CENPI: variants seen among roughly 807,000 people sequenced by gnomAD.
CENPI encodes centromere protein I, also known as FSH primary response 1.
In CENPI, 4 loss-of-function variants were observed where a neutral mutation model predicts 60.4. That is an observed-to-expected ratio of 0.07 (90% CI 0.03 to 0.15). CENPI has a LOEUF of 0.15. CENPI is among the 10% of genes least tolerant of loss of function. CENPI has a pLI of 1.00. For synonymous variants in CENPI, 157 were observed against 189.4 expected (o/e 0.83, Z 1.40); for missense variants, 444 against 534.5 (o/e 0.83, Z 1.67).
intron 15 of CENPI, among the ~76,000 whole-genome samples, chrX:101,133,279 T>C (rs757007603): frequency 1.8e-5 from 2 of 108,920 alleles, no homozygotes; most frequent in East Asian, 5.8e-4. Context: ...TCCACACCAA[T>C]TCTCCCAGCT....
chrX:101,124,832 C>T (rs763393243), intron 8 of CENPI, among the ~76,000 whole-genome samples: 2 of 111,993 alleles, frequency 1.8e-5, no homozygotes, highest in South Asian at 3.7e-4. Flanking sequence ...ACCCTAGCCA[C>T]GTGGAACTGT....
At position 101,138,362 on chromosome X, in the gene CENPI, G is replaced by A. The variant is rs192444413; in HGVS notation, c.1471-2304G>A. 7.0e-3 allele frequency among the ~76,000 whole-genome samples: 738 copies of A among 105,185 alleles called. 8 individuals carry two copies. Among genetic ancestry groups the A allele is most frequent in the African/African-American group, 0.025 (713 of 28,562 alleles). 91.3% of individuals were successfully genotyped at this position (105,185 alleles called of 115,157 possible). On this transcript the variant is annotated intron_variant, in intron 15 of 21. Transcript: ENST00000682095. ...TAAAGATTTTTTTTTTTTTTGATAC[G>A]GAGTCTCACTCTGTCGCCAGGATGG...
At chrX:101,168,723 T>C (rs1708216889), downstream of CENPI, among the ~76,000 whole-genome samples, 1 of 111,625 alleles carries the variant, frequency 9.0e-6, no homozygotes, top group African/African-American at 3.3e-5. Flanking sequence ...AAAATCTAAA[T>C]GGGGTCATTA....
intron 6 of CENPI, among the ~76,000 whole-genome samples, chrX:101,115,639 T>C (rs2089613719): frequency 8.9e-6 from 1 of 111,739 alleles, no homozygotes; most frequent in African/African-American, 3.3e-5. Context: ...GCTGGAATTA[T>C]AGATGTGAGG....
chrX:101,134,745 T>C (rs1248465700), intron 15 of CENPI, among the ~76,000 whole-genome samples: 12 of 111,418 alleles, frequency 1.1e-4, no homozygotes, highest in African/African-American at 3.9e-4. Flanking sequence ...AGGAATTGGC[T>C]GGGTGCGGTG....
chrX:101,122,874 C>G (rs1470593269), intron 8 of CENPI, among the ~76,000 whole-genome samples: 2 of 111,002 alleles, frequency 1.8e-5, no homozygotes, highest in Admixed American at 1.9e-4. Flanking sequence ...TCCAAAAAAA[C>G]AAACAAACAA....
At chrX:101,118,217 G>A (rs996489642) in intron 6 of CENPI, among the ~76,000 whole-genome samples, 1 of 111,419 alleles carries the variant, frequency 9.0e-6, no homozygotes, top group Non-Finnish European at 1.9e-5. Flanking sequence ...GGTGAACTAA[G>A]TCTCAGAGGA....
intron 20 of CENPI, among the ~76,000 whole-genome samples, chrX:101,161,235 C>T (rs1442534678): frequency 8.9e-6 from 1 of 112,020 alleles, no homozygotes; most frequent in Non-Finnish European, 1.9e-5. Flanking sequence ...GAGATCTGCC[C>T]GCCTTGTCCT....
At chrX:101,148,246 G>A in intron 20 of CENPI, 85 bp downstream of exon 20, 1 of 798,192 alleles carries the variant, frequency 1.3e-6, no homozygotes, top group Non-Finnish European at 1.8e-6. Flanking sequence ...TAATGTGTCT[G>A]AATTGTAAGA....
chrX:101,152,041 C>G (rs1437185303), intron 20 of CENPI, among the ~76,000 whole-genome samples: 1 of 110,217 alleles, frequency 9.1e-6, no homozygotes, highest in East Asian at 2.9e-4. Context: ...ATCTACTTTA[C>G]ATATCTATGT....
intron 15 of CENPI, among the ~76,000 whole-genome samples, chrX:101,140,129 C>T (rs2089901792): frequency 8.9e-6 from 1 of 112,407 alleles, no homozygotes; most frequent in Non-Finnish European, 1.9e-5. Context: ...AGCCACCGCA[C>T]CCAGCCCATC....
intron 20 of CENPI, among the ~76,000 whole-genome samples, chrX:101,148,816 C>T (rs148460344): frequency 0.02 from 2,192 of 110,645 alleles, 61 homozygotes; most frequent in African/African-American, 0.068. Context: ...CCTTAACAGA[C>T]GGGAACATTG....
downstream of CENPI, among the ~76,000 whole-genome samples, chrX:101,169,613 G>T (rs2090152054): frequency 8.9e-6 from 1 of 112,053 alleles, no homozygotes; most frequent in Non-Finnish European, 1.9e-5. Context: ...TATTATTTTG[G>T]AGCATCTACT....
At chrX:101,128,445 C>A (rs1161795572) in intron 11 of CENPI, among the ~76,000 whole-genome samples, 1 of 111,525 alleles carries the variant, frequency 9.0e-6, no homozygotes, top group African/African-American at 3.3e-5. Flanking sequence ...TTGCACTGAG[C>A]TGAGATGGAG....
At chrX:101,179,972 C>T in the CENPI span, among the ~76,000 whole-genome samples, 1 of 112,003 alleles carries the variant, frequency 8.9e-6, no homozygotes, top group African/African-American at 3.2e-5. Flanking sequence ...CTTCTATTTT[C>T]TCCACATCCT....
chrX:101,154,827 GT>G lies in CENPI; in HGVS notation c.2094+6667del, dbSNP rs1569503995. Among the ~76,000 whole-genome samples, 3 of 110,863 alleles carry G rather than the reference GT, an allele frequency of 2.7e-5. No individual in the cohort carries two copies. The Admixed American group carries it at 2.9e-4, about 11-fold the overall frequency. ...AAGTACTGTGTTTTTTGATGTTATCGTAAATGGAATATTTTTCTTAATTTCA... is the reference window on the plus strand; with the variant it reads ...AAGTACTGTGTTTTTTGATGTTATCGAAATGGAATATTTTTCTTAATTTCA... On this transcript the variant is annotated intron_variant, in intron 20 of 21. Coordinates refer to ENST00000682095, the MANE Select transcript of CENPI (RefSeq NM_001386188.2).
Position 101,126,616 on chromosome X carries a change from G to A in CENPI, c.688-93G>A, listed in dbSNP as rs1238353689. On this transcript the variant is annotated intron_variant, in intron 8 of 21. Transcript: ENST00000682095. Reference sequence around the variant, plus strand: ...ATAGCTATATCTCAGCGAAATTATGGTCTGAATATACTTTTTTCCTTCTTA... The same window carrying A: ...ATAGCTATATCTCAGCGAAATTATGATCTGAATATACTTTTTTCCTTCTTA... 1.0e-5 allele frequency: 7 copies of A among 670,290 alleles called. No homozygotes were observed. The Admixed American group carries it at 1.7e-4, about 17-fold the overall frequency. 55.2% of individuals were successfully genotyped at this position (670,290 alleles called of 1,213,427 possible). A position where few individuals can be genotyped will look rare whatever the true frequency, so the allele number is the denominator to read the frequency against.
intron 2 of CENPI, 43 bp from the exon 3 acceptor site, chrX:101,101,015 T>C: frequency 1.1e-6 from 1 of 951,512 alleles, no homozygotes. Context: ...AAAAAAGGAC[T>C]GTTTGGCTGA....
At chrX:101,113,358 A>T (rs1344281771) in intron 6 of CENPI, among the ~76,000 whole-genome samples, 1 of 94,025 alleles carries the variant, frequency 1.1e-5, no homozygotes, top group African/African-American at 4.1e-5. Flanking sequence ...ATGGAGTTTC[A>T]CTCTTGTTGC....
Sources: gnomAD v4.1 joint callset for allele counts (sites outside exome capture counted in the v4.1 genomes callset) on GRCh38, gnomAD v4.1.1 for gene constraint, MANE v1.5 for transcripts, NCBI Gene and HGNC (gene_info 2026-07-23, HGNC 2026-07-21) for gene names.